The following PCDH9 variants were observed in gnomAD, a reference collection of about 807,000 sequenced individuals.
PCDH9 encodes the protein protocadherin-9.
Under a neutral mutation model 70.6 loss-of-function variants are expected in PCDH9, and 24 were observed. The observed-to-expected ratio is 0.34, with a 90% CI of 0.25 to 0.48. The LOEUF (loss-of-function observed/expected upper bound fraction) is 0.48. Ranked by LOEUF, PCDH9 falls within the 20% of genes least tolerant of loss-of-function variation. PCDH9 has a pLI of 0.99. For missense variants in PCDH9, 1,281 were observed against 1,503.6 expected (o/e 0.85, Z 2.45); for synonymous variants, 562 against 558.5 (o/e 1.01, Z -0.09).
intron 2 of PCDH9, among the ~76,000 whole-genome samples, chr13:67,062,604 G>A (rs2085560292): frequency 6.6e-6 from 1 of 152,168 alleles, no homozygotes; most frequent in African/African-American, 2.4e-5. Flanking sequence ...ACAATTGTGT[G>A]TTCTGTACAA....
chr13:66,405,157 AT>A (rs1475012148), intron 4 of PCDH9, among the ~76,000 whole-genome samples: 1 of 151,928 alleles, frequency 6.6e-6, no homozygotes, highest in Non-Finnish European at 1.5e-5. Flanking sequence ...CATTTGCTCT[AT>A]TTTTTTCTTT....
chr13:66,904,183 T>C (rs187313721), intron 2 of PCDH9, among the ~76,000 whole-genome samples: 1 of 152,126 alleles, frequency 6.6e-6, no homozygotes, highest in Admixed American at 6.6e-5. Flanking sequence ...AGTTGACTTA[T>C]TTTTCTACTA....
chr13:66,608,678 C>T (rs1312684926), intron 4 of PCDH9, among the ~76,000 whole-genome samples: 1 of 151,724 alleles, frequency 6.6e-6, no homozygotes, highest in Non-Finnish European at 1.5e-5. Context: ...AAGCAGGAGA[C>T]ACCCTGAGCA....
intron 3 of PCDH9, among the ~76,000 whole-genome samples, chr13:66,692,503 T>C (rs887052669): frequency 2.0e-5 from 3 of 152,130 alleles, no homozygotes; most frequent in African/African-American, 7.2e-5. Flanking sequence ...TGTTCTGAAA[T>C]ATTATTTTTG....
At chr13:66,460,940 G>C (rs1156788946) in intron 4 of PCDH9, among the ~76,000 whole-genome samples, 1 of 151,822 alleles carries the variant, frequency 6.6e-6, no homozygotes, top group Non-Finnish European at 1.5e-5. Context: ...AAAATTATTA[G>C]CATTTATGAA....
intron 4 of PCDH9, among the ~76,000 whole-genome samples, chr13:66,372,047 T>C (rs1293284911): frequency 3.3e-5 from 5 of 152,060 alleles, no homozygotes; most frequent in Admixed American, 1.3e-4. Context: ...TTAATACTTA[T>C]GTTAATTTAT....
chr13:66,557,180 G>A (rs1872874907), intron 4 of PCDH9, among the ~76,000 whole-genome samples: 1 of 152,170 alleles, frequency 6.6e-6, no homozygotes, highest in Admixed American at 6.5e-5. Flanking sequence ...TCTGCCAGCA[G>A]ACATGGCAAA....
At chr13:66,515,461 T>A (rs1440165907) in intron 4 of PCDH9, among the ~76,000 whole-genome samples, 1 of 151,990 alleles carries the variant, frequency 6.6e-6, no homozygotes, top group Non-Finnish European at 1.5e-5. Context: ...CATGGTATCA[T>A]ATAGGTAAAA....
At chr13:66,538,653 A>G (rs1457228625) in intron 4 of PCDH9, among the ~76,000 whole-genome samples, 1 of 151,890 alleles carries the variant, frequency 6.6e-6, no homozygotes, top group Non-Finnish European at 1.5e-5. Flanking sequence ...AAAATCTTCA[A>G]CTGATTGAAT....
chr13:66,571,139 TAAC>T (rs1230367181), intron 4 of PCDH9, among the ~76,000 whole-genome samples: 3 of 152,070 alleles, frequency 2.0e-5, no homozygotes, highest in Admixed American at 1.3e-4. Flanking sequence ...TGAGGCCTAA[TAAC>T]ATTTTAATTT....
intron 4 of PCDH9, among the ~76,000 whole-genome samples, chr13:66,309,650 A>G (rs886954220): frequency 6.8e-6 from 1 of 147,346 alleles, no homozygotes; most frequent in South Asian, 2.1e-4. Flanking sequence ...TTTCTTTGAT[A>G]TATTTTTATT....
intron 3 of PCDH9, among the ~76,000 whole-genome samples, chr13:66,780,929 C>G (rs967580591): frequency 1.2e-4 from 18 of 152,210 alleles, no homozygotes; most frequent in Admixed American, 8.5e-4. Flanking sequence ...AAAGCCTTAA[C>G]TGAAGTAATT....
chr13:66,730,563 C>G (rs756180343), intron 3 of PCDH9, among the ~76,000 whole-genome samples: 1 of 152,008 alleles, frequency 6.6e-6, no homozygotes, highest in Non-Finnish European at 1.5e-5. Flanking sequence ...GTATACTATA[C>G]AATCACTAAC....
At chr13:66,673,843 G>A (rs2078209131) in intron 3 of PCDH9, among the ~76,000 whole-genome samples, 4 of 152,070 alleles carry the variant, frequency 2.6e-5, no homozygotes. Flanking sequence ...ATTCGTTTAA[G>A]TAATTAACAT....
chr13:67,026,364 C>G (rs960591832), intron 2 of PCDH9, among the ~76,000 whole-genome samples: 1 of 152,080 alleles, frequency 6.6e-6, no homozygotes, highest in East Asian at 1.9e-4. Flanking sequence ...AATTCAACAA[C>G]CCTTCATGCT....
chr13:66,362,445 A>G (rs1050226341), intron 4 of PCDH9, among the ~76,000 whole-genome samples: 1 of 152,084 alleles, frequency 6.6e-6, no homozygotes, highest in East Asian at 1.9e-4. Context: ...AACATTACAG[A>G]TATCTTACTG....
rs116221606 is a variant in PCDH9, at chr13:66,873,162, C to T, written c.3138+30342G>A. Among the ~76,000 whole-genome samples, 1,046 of 152,150 alleles carry T rather than the reference C, an allele frequency of 6.9e-3. 11 individuals carry two copies. Among genetic ancestry groups the T allele is most frequent in the African/African-American group, 0.024 (997 of 41,532 alleles). Reference sequence around the variant, plus strand: ...AAAGTAAAGTCAACCTAAGCCATGTCTGAATAAGATCTTATTTTTGTTAGC... The same window carrying T: ...AAAGTAAAGTCAACCTAAGCCATGTTTGAATAAGATCTTATTTTTGTTAGC... On this transcript the variant is annotated intron_variant, in intron 3 of 4. Coordinates refer to ENST00000377865, the MANE Select transcript of PCDH9 (RefSeq NM_203487.3).
At chr13:66,604,361 T>C (rs1344800368) in intron 4 of PCDH9, among the ~76,000 whole-genome samples, 1 of 152,132 alleles carries the variant, frequency 6.6e-6, no homozygotes, top group Non-Finnish European at 1.5e-5. Flanking sequence ...AAAAGTATAA[T>C]AGACGAATAA....
intron 3 of PCDH9, among the ~76,000 whole-genome samples, chr13:66,736,477 G>C (rs2079150583): frequency 6.6e-6 from 1 of 152,146 alleles, no homozygotes; most frequent in East Asian, 1.9e-4. Context: ...CCTCGACCTT[G>C]GACTTCTAGT....
Sources: gnomAD v4.1 joint callset for allele counts (sites outside exome capture counted in the v4.1 genomes callset) on GRCh38, gnomAD v4.1.1 for gene constraint, MANE v1.5 for transcripts, NCBI Gene and HGNC (gene_info 2026-07-23, HGNC 2026-07-21) for gene names.